DTX2: variants seen among roughly 807,000 people sequenced by gnomAD.
DTX2 encodes probable E3 ubiquitin-protein ligase DTX2.
Under a neutral mutation model 55.3 loss-of-function variants are expected in DTX2, and 29 were observed. That is an observed-to-expected ratio of 0.52 (90% confidence interval 0.39 to 0.71). The LOEUF (loss-of-function observed/expected upper bound fraction) is 0.71, where lower values mean the gene tolerates loss of function less well. DTX2 is among the 30% of genes least tolerant of loss of function. The probability of loss-of-function intolerance (pLI) is 0.00; values close to 1 mark genes in which losing one functional copy is unlikely to be tolerated. For missense variants in DTX2, 537 were observed against 822.5 expected (o/e 0.65, Z 4.25); for synonymous variants, 276 against 340.4 (o/e 0.81, Z 2.08).
chr7:76,488,103 C>T (rs1810082047), intron 4 of DTX2, among the ~76,000 whole-genome samples: 1 of 79,916 alleles, frequency 1.3e-5, no homozygotes, highest in African/African-American at 6.0e-5. Flanking sequence ...GGAGGAACTG[C>T]GATTATATGG....
chr7:76,505,721 G>GCACA lies in DTX2; in HGVS notation c.*121_*122insACAC. The GCACA allele has an allele frequency of 4.6e-6, 5 of 1,080,798 alleles. No homozygotes were observed. Among genetic ancestry groups the GCACA allele is most frequent in the Non-Finnish European group, 6.6e-6 (5 of 759,308 alleles). The allele number at this position is 1,080,798 out of a possible 1,614,324, so 67.0% of individuals were successfully genotyped here. On this transcript the variant is annotated 3_prime_UTR_variant, in exon 11 of 11. Transcript: ENST00000430490. This position sits in a 1 kb window ranked among gnomAD's most constrained non-coding sequence, Gnocchi z 4.4. ...GAGGTTTGTTGAGGGTGTGGGGTGT[G>GCACA]CCCCACCTGAAGCCGGGGCTCCCCC... is the stretch of plus-strand genomic sequence containing the variant.
chr7:76,464,578 C>A (rs1806961427), intron 2 of DTX2, among the ~76,000 whole-genome samples: 1 of 151,820 alleles, frequency 6.6e-6, no homozygotes, highest in Admixed American at 6.6e-5. Context: ...ATAATTTTAT[C>A]TAGAGACAGT....
chr7:76,505,311 C>A lies in DTX2; in HGVS notation c.1642-63C>A. The A allele has an allele frequency of 7.2e-7, 1 of 1,381,926 alleles. No individual in the cohort carries two copies. Among genetic ancestry groups the A allele is most frequent in the Non-Finnish European group, 1.0e-6 (1 of 1,003,530 alleles). The allele number at this position is 1,381,926 out of a possible 1,614,324, so 85.6% of individuals were successfully genotyped here. On this transcript the variant is annotated intron_variant, in intron 10 of 10. Coordinates refer to ENST00000430490, the MANE Select transcript of DTX2 (RefSeq NM_001102594.3). This position sits in a 1 kb window ranked among gnomAD's most constrained non-coding sequence, Gnocchi z 4.4. ...AGAACATGGTGCCAACCCGTGCCTG[C>A]TCACTGAGCCCCTCTCACTCTCCGT...
chr7:76,502,674 G>A, intron 8 of DTX2: 1 of 551,758 alleles, frequency 1.8e-6, no homozygotes, highest in East Asian at 2.9e-5. Context: ...TTAGAAAGGA[G>A]GACCAGTGCG....
chr7:76,486,200 A>AGTGAGGCCCCCTGCAGTTAACCCTCCTCT (rs1809855618), intron 4 of DTX2, among the ~76,000 whole-genome samples: 1 of 152,126 alleles, frequency 6.6e-6, no homozygotes, highest in Non-Finnish European at 1.5e-5. Context: ...CCTGATTCGT[A>AGTGAGGCCCCCTGCAGTTAACCCTCCTCT]GTGAGGCCCC....
rs1369422522 is a variant in DTX2, at chr7:76,482,615, G to T, written c.376G>T (p.Ala126Ser). ...SDDGSWTAYEASVCDYLEQQV... is the reference protein window; with the variant it reads ...SDDGSWTAYESSVCDYLEQQV... ...CGATGGCTCCTGGACTGCCTATGAA[G>T]CCAGCGTCTGTGACTATCTGGAGCA... The change falls in exon 4 of 11, where the codon GCC (alanine) becomes TCC (serine). Residue 126 changes from alanine (A) to serine (S), a missense_variant. By Grantham distance (99) the Ala-to-Ser change is moderately conservative. Around this residue, in one of 7 missense-constraint regions of DTX2, gnomAD observed 301 missense variants for 396.6 expected, o/e 0.76. Transcript: ENST00000430490. 1 of 1,613,712 alleles carries T rather than the reference G, an allele frequency of 6.2e-7. No homozygotes were observed. The highest frequency in any genetic ancestry group is 1.3e-5 in the African/African-American group (1 of 74,872).
Position 76,479,430 on chromosome 7 carries a change from G to C in DTX2, c.-89-991G>C, listed in dbSNP as rs554247902. Among the ~76,000 whole-genome samples, 29 of 115,070 alleles carry C rather than the reference G, an allele frequency of 2.5e-4. 4 individuals carry two copies. Among genetic ancestry groups the C allele is most frequent in the Non-Finnish European group, 4.9e-4 (26 of 53,046 alleles). 75.5% of individuals were successfully genotyped at this position (115,070 alleles called of 152,430 possible). On this transcript the variant is annotated intron_variant, in intron 2 of 10. Transcript: ENST00000430490. ...GGCACCTGGGAGACATGAGGAGCTAGAACCTGTGCTGCAGTTCCCAGCTCT... is the reference window on the plus strand; with the variant it reads ...GGCACCTGGGAGACATGAGGAGCTACAACCTGTGCTGCAGTTCCCAGCTCT...
Position 76,472,279 on chromosome 7 carries a change from G to A in DTX2, c.-89-8142G>A, listed in dbSNP as rs1808018036. 2.8e-5 allele frequency among the ~76,000 whole-genome samples: 4 copies of A among 143,704 alleles called. No individual in the cohort carries two copies. In the South Asian group the frequency reaches 9.4e-4, roughly 34 times the overall value. 94.3% of individuals were successfully genotyped at this position (143,704 alleles called of 152,430 possible). A position where few individuals can be genotyped will look rare whatever the true frequency, so the allele number is the denominator to read the frequency against. ...AATGGTAAGACACAGCGGTGGTGGT[G>A]GTTTGGTTTATATTTATGACCTTTT... On this transcript the variant is annotated intron_variant, in intron 2 of 10. Transcript: ENST00000430490.
chr7:76,491,270 A>G, intron 4 of DTX2, among the ~76,000 whole-genome samples: 1 of 147,278 alleles, frequency 6.8e-6, no homozygotes, highest in African/African-American at 2.5e-5. Context: ...TGCTGAGATT[A>G]TAGGCGTGAG....
At chr7:76,472,630 G>C (rs893547960) in intron 2 of DTX2, among the ~76,000 whole-genome samples, 1 of 149,572 alleles carries the variant, frequency 6.7e-6, no homozygotes, top group Admixed American at 6.7e-5. Flanking sequence ...ACCTGGCCAG[G>C]AGAGTTTTTT....
At position 76,505,418 on chromosome 7, in the gene DTX2, C is replaced by T; in HGVS notation, c.1686C>T (p.Phe562=). The change falls in exon 11 of 11, where the codon TTC becomes TTT. Residue 562 remains phenylalanine, a synonymous_variant. Transcript: ENST00000430490. This position sits in a 1 kb window ranked among gnomAD's most constrained non-coding sequence, Gnocchi z 4.4. ...LKVAWKRRLI[F]TVGTSSTTGE... is the part of the protein sequence containing the mutation. ...TGGCCTGGAAGAGGCGGCTCATCTT[C>T]ACAGTGGGCACGTCCAGCACCACGG... 2 of 1,596,440 alleles carry T rather than the reference C, an allele frequency of 1.3e-6. No individual in the cohort carries two copies. Among genetic ancestry groups the T allele is most frequent in the African/African-American group, 2.7e-5 (2 of 74,524 alleles).
intron 7 of DTX2, chr7:76,501,346 T>G: frequency 4.4e-6 from 2 of 452,396 alleles, no homozygotes; most frequent in Non-Finnish European, 8.9e-6. Flanking sequence ...GTCCCACCCC[T>G]TCCACAAGCC....
At position 76,503,463 on chromosome 7, in the gene DTX2, A is replaced by G. The variant is rs780204346; in HGVS notation, c.1427A>G (p.Tyr476Cys). 16 of 1,612,864 alleles carry G rather than the reference A, an allele frequency of 9.9e-6. No individual in the cohort carries two copies. The highest frequency in any genetic ancestry group is 3.3e-5 in the South Asian group (3 of 91,084). The change falls in exon 9 of 11, where the codon TAT (tyrosine) becomes TGT (cysteine). Residue 476 changes from tyrosine (Y) to cysteine (C), a missense_variant. This residue lies in a region of DTX2 where 121 missense variants were observed against 136.8 expected (regional missense o/e 0.88). Transcript: ENST00000430490. ...SLQCPSCKTIYGEKTGTQPQG... is the reference protein window; with the variant it reads ...SLQCPSCKTICGEKTGTQPQG... ...CAGTGTCCCTCCTGCAAAACCATCT[A>G]TGGAGAGAAGACGGGGACCCAGCCC...
At position 76,486,850 on chromosome 7, in the gene DTX2, GCT is replaced by G. The variant is rs1401321857; in HGVS notation, c.908+3704_908+3705del. The stretch of plus-strand genomic sequence containing the variant: ...TGGTGGCTTTCTGTTGTGGTGGGCT[GCT>G]GCTGCTGCTGCTGCTGCTGCTGCTG... On this transcript the variant is annotated intron_variant, in intron 4 of 10. Transcript: ENST00000430490. 2.9e-3 allele frequency among the ~76,000 whole-genome samples: 199 copies of G among 67,512 alleles called. 1 individual carries two copies. Among genetic ancestry groups the G allele is most frequent in the East Asian group, 0.023 (53 of 2,320 alleles). The allele number at this position is 67,512 out of a possible 152,430, so 44.3% of individuals were successfully genotyped here.
rs1332166153 is a variant in DTX2, at chr7:76,502,474, G to C, written c.1389+18G>C. On this transcript the variant is annotated intron_variant, in intron 8 of 10. Coordinates refer to ENST00000430490, the MANE Select transcript of DTX2 (RefSeq NM_001102594.3). ...GCAATAAGGTGCCCCCACTGGCCCA[G>C]GGCGGAGGCGGGTGGCCCGCCCCCA... is the stretch of plus-strand genomic sequence containing the variant. The C allele has an allele frequency of 2.5e-6, 4 of 1,607,532 alleles. No individual in the cohort carries two copies. In the South Asian group the frequency reaches 4.4e-5, roughly 18 times the overall value.
rs1036330262 is a variant in DTX2, at chr7:76,479,312, G to C, written c.-89-1109G>C. Among the ~76,000 whole-genome samples, 12 of 97,580 alleles carry C rather than the reference G, an allele frequency of 1.2e-4. 1 individual carries two copies. Among genetic ancestry groups the C allele is most frequent in the Non-Finnish European group, 1.9e-4 (9 of 47,552 alleles). The allele number at this position is 97,580 out of a possible 152,430, so 64.0% of individuals were successfully genotyped here. On this transcript the variant is annotated intron_variant, in intron 2 of 10. Transcript: ENST00000430490. ...CCTGGTGGCCGGTCAGCAGGGGCCA[G>C]GTCGGGGAGTGGGTGCAGAGAGCCT...
rs1225393525 is a variant in DTX2 at position 76,482,992 on chromosome 7, A to G, written c.753A>G (p.Ser251=). 8.7e-6 allele frequency: 14 copies of G among 1,612,594 alleles called. No homozygotes were observed. Among genetic ancestry groups the G allele is most frequent in the Non-Finnish European group, 1.2e-5 (14 of 1,179,458 alleles). ...CCTTTGCACCGTACAACAAACCCTC[A>G]CTCTCCGGGGCCCGGTCTGCGCCCA... ...HQAFAPYNKP[S]LSGARSAPRL... is the part of the protein sequence containing the mutation. Residue 251 remains serine, a synonymous_variant, in exon 4 of 11, where the codon TCA becomes TCG. Coordinates refer to ENST00000430490, the MANE Select transcript of DTX2 (RefSeq NM_001102594.3).
chr7:76,501,302 G>A (rs747887912), intron 7 of DTX2: 1 of 456,246 alleles, frequency 2.2e-6, no homozygotes, highest in South Asian at 1.5e-5. Context: ...GGTAAGTAAA[G>A]GTTTGGAAAG....
Position 76,503,531 on chromosome 7 carries a change from G to C in DTX2, c.1495G>C (p.Gly499Arg). The C allele has an allele frequency of 6.2e-7, 1 of 1,612,766 alleles. No homozygotes were observed. Among genetic ancestry groups the C allele is most frequent in the Non-Finnish European group, 8.5e-7 (1 of 1,179,852 alleles). Residue 499 changes from glycine to arginine, a missense_variant, in exon 9 of 11, where the codon GGC (glycine) becomes CGC (arginine). Around this residue, in one of 7 missense-constraint regions of DTX2, gnomAD observed 121 missense variants for 136.8 expected, o/e 0.88. Transcript: ENST00000430490. ...EVLRFQMSLP[G>R]HEDCGTILIV... is the part of the protein sequence containing the mutation. ...ATTACGGTTCCAGATGTCGCTCCCC[G>C]GCCACGAGGACTGCGGGACCATCCT...
Sources: allele counts gnomAD v4.1 joint callset (sites outside exome capture counted in the v4.1 genomes callset), GRCh38; gene constraint gnomAD v4.1.1; regional missense constraint gnomAD v4.1.1; non-coding constraint Gnocchi (gnomAD v3.1); transcripts MANE v1.5; gene names NCBI Gene and HGNC (gene_info 2026-07-23, HGNC 2026-07-21).